Variants in P3H2 observed in about 807,000 individuals in gnomAD.
P3H2 encodes the protein prolyl 3-hydroxylase 2, also known as leprecan-like 1.
P3H2 carries 80 observed loss-of-function variants against 87.0 expected under a neutral mutation model. The ratio of observed to expected loss-of-function variants is 0.92; its 90% CI spans 0.77 to 1.11. The LOEUF (loss-of-function observed/expected upper bound fraction) is 1.11. P3H2 is among the 50% of genes least tolerant of loss of function. P3H2 has a pLI of 0.00. For synonymous variants in P3H2, 367 were observed against 359.3 expected, an observed-to-expected ratio of 1.02 and a Z score of -0.24; for missense variants, 1,001 against 923.9, an observed-to-expected ratio of 1.08 and a Z score of -1.08.
chr3:189,985,173 G>C (rs1252643453), intron 6 of P3H2, among the ~76,000 whole-genome samples: 2 of 151,696 alleles, frequency 1.3e-5, no homozygotes, highest in Admixed American at 6.6e-5. Context: ...GTTGTAAATG[G>C]ACATATTATA....
intron 1 of P3H2, among the ~76,000 whole-genome samples, chr3:189,995,893 C>T (rs1297375572): frequency 6.6e-6 from 1 of 151,924 alleles, no homozygotes; most frequent in African/African-American, 2.4e-5. Flanking sequence ...AAATGCAAGT[C>T]AAAATCACAA....
intron 1 of P3H2, among the ~76,000 whole-genome samples, chr3:190,016,425 A>G (rs1724756098): frequency 6.6e-6 from 1 of 151,992 alleles, no homozygotes; most frequent in African/African-American, 2.4e-5. Context: ...TTGTAATTTT[A>G]GTAGAGACAG....
At chr3:190,061,684 C>T (rs1726336295) in intron 1 of P3H2, among the ~76,000 whole-genome samples, 1 of 152,164 alleles carries the variant, frequency 6.6e-6, no homozygotes, top group South Asian at 2.1e-4. Flanking sequence ...CTTAGCCTTG[C>T]CTCCTTCTAA....
intron 1 of P3H2, among the ~76,000 whole-genome samples, chr3:190,086,645 T>C (rs1016150484): frequency 6.6e-6 from 1 of 152,156 alleles, no homozygotes; most frequent in Non-Finnish European, 1.5e-5. Flanking sequence ...ATCCAAATTC[T>C]CCCTTAAAGG....
chr3:190,025,213 T>C (rs886767361), intron 1 of P3H2, among the ~76,000 whole-genome samples: 4 of 152,128 alleles, frequency 2.6e-5, no homozygotes, highest in Non-Finnish European at 4.4e-5. Context: ...ACATAATGTT[T>C]CTCCAGGAAT....
At chr3:190,083,203 T>C (rs992760242) in intron 1 of P3H2, among the ~76,000 whole-genome samples, 1 of 152,184 alleles carries the variant, frequency 6.6e-6, no homozygotes, top group African/African-American at 2.4e-5. Flanking sequence ...AGAAGACATA[T>C]GGTCTGAAAA....
intron 1 of P3H2, among the ~76,000 whole-genome samples, chr3:190,007,903 T>C (rs1399708675): frequency 1.4e-5 from 2 of 143,450 alleles, no homozygotes; most frequent in Admixed American, 7.1e-5. Context: ...AAAAACCTTC[T>C]AGTCTGCTTC....
At chr3:189,973,866 CT>C (rs1461394402) in intron 10 of P3H2, 42 bp downstream of exon 10, 1 of 1,418,004 alleles carries the variant, frequency 7.1e-7, no homozygotes, top group Non-Finnish European at 1.0e-6. Context: ...AAGCCTTAGG[CT>C]GACACTAAGG....
chr3:190,094,414 C>T (rs1727506623), intron 1 of P3H2, among the ~76,000 whole-genome samples: 2 of 152,204 alleles, frequency 1.3e-5, no homozygotes, highest in Non-Finnish European at 2.9e-5. Flanking sequence ...TTCTATGACC[C>T]TGGTTGCTGA....
At chr3:189,968,758 T>C (rs1237427261) in intron 13 of P3H2, among the ~76,000 whole-genome samples, 1 of 152,216 alleles carries the variant, frequency 6.6e-6, no homozygotes, top group Non-Finnish European at 1.5e-5. Flanking sequence ...CAGCATCTGT[T>C]GTTTCCTGAC....
intron 1 of P3H2, among the ~76,000 whole-genome samples, chr3:190,017,674 G>A (rs988689105): frequency 4.6e-5 from 7 of 152,230 alleles, no homozygotes; most frequent in African/African-American, 1.4e-4. Context: ...GAGTTGCTGA[G>A]TATGGCTGAT....
At position 190,048,472 on chromosome 3, in the gene P3H2, G is replaced by A. The variant is rs147861785; in HGVS notation, c.481-53030C>T. Among the ~76,000 whole-genome samples, 447 of 152,228 alleles carry A rather than the reference G, an allele frequency of 2.9e-3. 1 individual carries two copies. The highest frequency in any genetic ancestry group is 0.01 in the African/African-American group (429 of 41,524). On this transcript the variant is annotated intron_variant, in intron 1 of 14. Transcript: ENST00000319332. Reference sequence around the variant, plus strand: ...AGATCACACCACTGCACTCCAGACTGGGCAACACAATGAGAATGCCAAAAA... The same window carrying A: ...AGATCACACCACTGCACTCCAGACTAGGCAACACAATGAGAATGCCAAAAA...
chr3:189,999,544 A>C (rs1724148418), intron 1 of P3H2, among the ~76,000 whole-genome samples: 2 of 152,168 alleles, frequency 1.3e-5, no homozygotes, highest in Admixed American at 6.5e-5. Flanking sequence ...ATTACAAGGC[A>C]TAGTCAGTAC....
chr3:190,073,067 G>A (rs1726758047), intron 1 of P3H2, among the ~76,000 whole-genome samples: 1 of 152,138 alleles, frequency 6.6e-6, no homozygotes, highest in Admixed American at 6.6e-5. Context: ...GTATAAAAGA[G>A]GTAATAGAAA....
At chr3:189,966,706 A>C (rs1723018256) in intron 13 of P3H2, among the ~76,000 whole-genome samples, 1 of 152,310 alleles carries the variant, frequency 6.6e-6, no homozygotes, top group East Asian at 1.9e-4. Flanking sequence ...GAACTCATTA[A>C]ATTTTATCTT....
chr3:190,068,139 T>C (rs1726573685), intron 1 of P3H2, among the ~76,000 whole-genome samples: 1 of 152,196 alleles, frequency 6.6e-6, no homozygotes, highest in African/African-American at 2.4e-5. Context: ...TTACATTGTT[T>C]ATAAAAATTT....
At chr3:190,079,900 G>A (rs564860212) in intron 1 of P3H2, among the ~76,000 whole-genome samples, 2 of 152,268 alleles carry the variant, frequency 1.3e-5, no homozygotes, top group South Asian at 2.1e-4. Flanking sequence ...GAGTATTAAT[G>A]GCAATTTCAG....
intron 1 of P3H2, among the ~76,000 whole-genome samples, chr3:190,054,621 T>C (rs1443216048): frequency 2.0e-5 from 3 of 152,170 alleles, no homozygotes; most frequent in East Asian, 1.9e-4. Flanking sequence ...CATTTATCTA[T>C]GGAGAGTCCT....
chr3:190,110,986 C>A (rs927946007), intron 1 of P3H2, among the ~76,000 whole-genome samples: 1 of 152,102 alleles, frequency 6.6e-6, no homozygotes, highest in Non-Finnish European at 1.5e-5. Context: ...TAATGAATTC[C>A]AGCAGGATCA....
Sources: allele counts gnomAD v4.1 joint callset (sites outside exome capture counted in the v4.1 genomes callset), GRCh38; gene constraint gnomAD v4.1.1; transcripts MANE v1.5; gene names NCBI Gene and HGNC (gene_info 2026-07-23, HGNC 2026-07-21).